The following KCNK10 variants were observed in gnomAD, a reference collection of about 807,000 sequenced individuals.
KCNK10 encodes the protein potassium two pore domain channel subfamily K member 10, also known as potassium channel subfamily K member 10.
In KCNK10, 25 loss-of-function variants were observed where a neutral mutation model predicts 47.7. The ratio of observed to expected loss-of-function variants is 0.52; its 90% CI spans 0.38 to 0.73. KCNK10 has a LOEUF of 0.73. Ranked by LOEUF, KCNK10 falls within the 30% of genes least tolerant of loss-of-function variation. The pLI is 0.00. For synonymous variants in KCNK10, 303 were observed against 285.6 expected, an observed-to-expected ratio of 1.06 and a Z score of -0.61; for missense variants, 563 against 714.5, an observed-to-expected ratio of 0.79 and a Z score of 2.42.
intron 4 of KCNK10, among the ~76,000 whole-genome samples, chr14:88,213,955 T>TTATTATTATTATTATTATTATTATTAC (rs1555360668): frequency 1.4e-5 from 2 of 144,358 alleles, no homozygotes; most frequent in Non-Finnish European, 3.0e-5. Context: ...ATTATTATTA[T>TTATTATTATTATTATTATTATTATTAC]TGAGACAGAG....
chr14:88,226,395 G>C (rs1885988018), intron 4 of KCNK10, among the ~76,000 whole-genome samples: 1 of 152,182 alleles, frequency 6.6e-6, no homozygotes, highest in African/African-American at 2.4e-5. Flanking sequence ...AGAGTTCTTA[G>C]AGGGGGAAAA....
At chr14:88,189,180 TG>T (rs2044071087) in intron 5 of KCNK10, among the ~76,000 whole-genome samples, 1 of 152,122 alleles carries the variant, frequency 6.6e-6, no homozygotes, top group Non-Finnish European at 1.5e-5. Context: ...GGGCAAGAAA[TG>T]TGACCTGTGG....
chr14:88,262,453 C>CA (rs1341042351), intron 2 of KCNK10, among the ~76,000 whole-genome samples: 1 of 152,192 alleles, frequency 6.6e-6, no homozygotes, highest in African/African-American at 2.4e-5. Flanking sequence ...ACCGCAGCCC[C>CA]ACAGATGACT....
intron 4 of KCNK10, among the ~76,000 whole-genome samples, chr14:88,208,124 T>A (rs1197604463): frequency 6.6e-6 from 1 of 152,258 alleles, no homozygotes; most frequent in Non-Finnish European, 1.5e-5. Context: ...TTTTGACCCA[T>A]ATAATCTTTT....
At chr14:88,323,368 C>G (rs1051307480), upstream of KCNK10, 60 of 911,534 alleles carry the variant, frequency 6.6e-5, no homozygotes, top group African/African-American at 1.1e-4. Context: ...TCCCGCTCCC[C>G]GAAAGCCATT....
intron 1 of KCNK10, among the ~76,000 whole-genome samples, chr14:88,279,595 C>G (rs951305871): frequency 6.6e-6 from 1 of 151,908 alleles, no homozygotes; most frequent in African/African-American, 2.4e-5. Flanking sequence ...TATACTTATA[C>G]TTTTTTAAAA....
In KCNK10 at chr14:88,197,665, T is replaced by C. The variant is rs188962872; in HGVS notation, c.682-5255A>G. Among the ~76,000 whole-genome samples the C allele has an allele frequency of 7.5e-3, 1,096 of 146,526 alleles. 9 individuals carry two copies. The highest frequency in any genetic ancestry group is 0.012 in the Non-Finnish European group (817 of 66,938). On this transcript the variant is annotated intron_variant, in intron 4 of 6. Coordinates refer to ENST00000319231, the MANE Select transcript of KCNK10 (RefSeq NM_138317.3). The stretch of plus-strand genomic sequence containing the variant: ...AATTAAAATTTTCAAAAGTTTTCTA[T>C]TCTAAAAAACTGGTTGCTGTTAACA...
chr14:88,282,211 A>G (rs903114568), intron 1 of KCNK10, among the ~76,000 whole-genome samples: 1 of 152,246 alleles, frequency 6.6e-6, no homozygotes, highest in African/African-American at 2.4e-5. Flanking sequence ...ATAGATATCA[A>G]CTAGTCCAAC....
intron 2 of KCNK10, among the ~76,000 whole-genome samples, chr14:88,262,705 A>G (rs1213999040): frequency 6.6e-6 from 1 of 152,148 alleles, no homozygotes; most frequent in Non-Finnish European, 1.5e-5. Context: ...ATATTATTTC[A>G]TCCCCATAAA....
chr14:88,300,097 A>T (rs936659162), intron 1 of KCNK10, among the ~76,000 whole-genome samples: 2 of 151,918 alleles, frequency 1.3e-5, no homozygotes, highest in Non-Finnish European at 2.9e-5. Flanking sequence ...TCATTTCCCT[A>T]ATTCTCTTTG....
At chr14:88,198,824 T>G (rs1450847663) in intron 4 of KCNK10, among the ~76,000 whole-genome samples, 1 of 152,236 alleles carries the variant, frequency 6.6e-6, no homozygotes, top group Non-Finnish European at 1.5e-5. Context: ...TTTCCACAGA[T>G]ATAAACCATA....
intron 1 of KCNK10, among the ~76,000 whole-genome samples, chr14:88,303,662 G>T (rs115012922): frequency 6.6e-6 from 1 of 152,096 alleles, no homozygotes; most frequent in African/African-American, 2.4e-5. Context: ...CAGAAGGGAC[G>T]GCCTTAGGTA....
chr14:88,314,672 C>T (rs989469353), intron 1 of KCNK10, among the ~76,000 whole-genome samples: 5 of 152,142 alleles, frequency 3.3e-5, no homozygotes, highest in African/African-American at 1.2e-4. Flanking sequence ...CCTGGATGAT[C>T]CAGACAGTGA....
At chr14:88,194,856 A>G (rs574010051) in intron 4 of KCNK10, among the ~76,000 whole-genome samples, 57 of 152,234 alleles carry the variant, frequency 3.7e-4, no homozygotes, top group Middle Eastern at 3.4e-3. Context: ...TTTAATTATC[A>G]GGGTATTTTA....
At chr14:88,237,967 A>T (rs1029075477) in intron 3 of KCNK10, among the ~76,000 whole-genome samples, 4 of 152,240 alleles carry the variant, frequency 2.6e-5, no homozygotes, top group Admixed American at 2.0e-4. Flanking sequence ...TGAAAGTCCT[A>T]GATGGCATCT....
At chr14:88,187,335 C>T (rs950673824) in intron 6 of KCNK10, among the ~76,000 whole-genome samples, 22 of 151,688 alleles carry the variant, frequency 1.5e-4, no homozygotes, top group African/African-American at 5.3e-4. Flanking sequence ...TCCTCTCTTC[C>T]TAAGAGAGCT....
intron 1 of KCNK10, among the ~76,000 whole-genome samples, chr14:88,319,727 C>T (rs1261442994): frequency 6.6e-6 from 1 of 152,128 alleles, no homozygotes; most frequent in Admixed American, 6.6e-5. Flanking sequence ...CAACAAGCTT[C>T]TCCACTTCCT....
intron 2 of KCNK10, among the ~76,000 whole-genome samples, chr14:88,243,444 C>T (rs1458512905): frequency 6.6e-6 from 1 of 152,184 alleles, no homozygotes; most frequent in Non-Finnish European, 1.5e-5. Flanking sequence ...TTTGCCTTTC[C>T]TCTACCTTTG....
At chr14:88,299,075 A>C (rs935998947) in intron 1 of KCNK10, among the ~76,000 whole-genome samples, 2 of 152,194 alleles carry the variant, frequency 1.3e-5, no homozygotes, top group South Asian at 2.1e-4. Context: ...GTAAGTACCG[A>C]ATACATGTCA....
Sources: allele counts gnomAD v4.1 joint callset (sites outside exome capture counted in the v4.1 genomes callset), GRCh38; gene constraint gnomAD v4.1.1; transcripts MANE v1.5; gene names NCBI Gene and HGNC (gene_info 2026-07-23, HGNC 2026-07-21).